MYH10: variants seen among roughly 807,000 people sequenced by gnomAD.
MYH10 encodes the protein myosin-10.
In MYH10, 55 loss-of-function variants were observed where a neutral mutation model predicts 257.8. That is an observed-to-expected ratio of 0.21 (90% CI 0.17 to 0.27). The LOEUF is 0.27. Ranked by LOEUF, MYH10 falls within the 10% of genes least tolerant of loss-of-function variation. MYH10 has a pLI of 1.00. For missense variants in MYH10, 1,631 were observed against 2,500.6 expected (o/e 0.65, Z 7.42); for synonymous variants, 854 against 921.7 (o/e 0.93, Z 1.33).
intron 36 of MYH10, among the ~76,000 whole-genome samples, chr17:8,486,490 TGA>T (rs1375541973): frequency 6.8e-6 from 1 of 147,058 alleles, no homozygotes; most frequent in Admixed American, 7.0e-5. Context: ...GGTAGCAGAC[TGA>T]GACTCTATCT....
At chr17:8,496,767 G>C (rs759326923) in intron 30 of MYH10, among the ~76,000 whole-genome samples, 3 of 152,224 alleles carry the variant, frequency 2.0e-5, no homozygotes, top group Non-Finnish European at 4.4e-5. Context: ...TTGCGATGTT[G>C]ACCTTTGGCT....
chr17:8,507,842 C>G (rs1183090842), intron 26 of MYH10, among the ~76,000 whole-genome samples: 1 of 152,104 alleles, frequency 6.6e-6, no homozygotes, highest in Non-Finnish European at 1.5e-5. Flanking sequence ...GTGGTTGGTG[C>G]ATGCCTGTAA....
intron 3 of MYH10, among the ~76,000 whole-genome samples, chr17:8,596,450 C>T (rs2084374757): frequency 6.6e-6 from 1 of 152,298 alleles, no homozygotes; most frequent in African/African-American, 2.4e-5. Flanking sequence ...CTGTGCCTGG[C>T]CCATTTTCTG....
chr17:8,626,550 G>A (rs2152113906), intron 1 of MYH10, among the ~76,000 whole-genome samples: 1 of 148,800 alleles, frequency 6.7e-6, no homozygotes, highest in African/African-American at 2.5e-5. Context: ...CTCGGCAACA[G>A]AATGAGACTC....
At chr17:8,604,642 T>C (rs1295488414) in intron 3 of MYH10, among the ~76,000 whole-genome samples, 184 bp downstream of exon 3, 1 of 152,202 alleles carries the variant, frequency 6.6e-6, no homozygotes, top group Non-Finnish European at 1.5e-5. Flanking sequence ...TTATCATACT[T>C]ACAGAAAATG....
At chr17:8,593,738 A>G (rs2084256004) in intron 3 of MYH10, among the ~76,000 whole-genome samples, 1 of 152,166 alleles carries the variant, frequency 6.6e-6, no homozygotes, top group Non-Finnish European at 1.5e-5. Context: ...AAGACTCAAT[A>G]TTGTTGTTAA....
rs1341304865 is a variant in MYH10 at position 8,576,635 on chromosome 17, G to A, written c.663+8C>T. 1.3e-6 allele frequency: 2 copies of A among 1,550,152 alleles called. No homozygotes were observed. Among genetic ancestry groups the A allele is most frequent in the African/African-American group, 2.7e-5 (2 of 72,992 alleles). ...TCAAGACTAAGAAGCATAAAGAAGAGCACTTGCCTGGTGTTTCACTGGTTT... is the reference window on the plus strand; with the variant it reads ...TCAAGACTAAGAAGCATAAAGAAGAACACTTGCCTGGTGTTTCACTGGTTT... On this transcript the variant is annotated splice_region_variant and intron_variant, in intron 6 of 42. Coordinates refer to ENST00000360416, the MANE Select transcript of MYH10 (RefSeq NM_001256012.3).
At chr17:8,481,290 G>C in intron 38 of MYH10, 32 bp downstream of exon 38, 1 of 1,608,142 alleles carries the variant, frequency 6.2e-7, no homozygotes. Flanking sequence ...GCCTGAGGGC[G>C]AAGAACCCAC....
At chr17:8,542,410 T>C in intron 13 of MYH10, 130 bp from the exon 14 acceptor site, 1 of 763,788 alleles carries the variant, frequency 1.3e-6, no homozygotes, top group Non-Finnish European at 2.1e-6. Flanking sequence ...TGATTGCTTC[T>C]ATCTAATGAC....
intron 14 of MYH10, among the ~76,000 whole-genome samples, chr17:8,537,651 A>G (rs545240433): frequency 1.3e-5 from 2 of 152,360 alleles, no homozygotes; most frequent in African/African-American, 4.8e-5. Flanking sequence ...TTAATATAAC[A>G]AAAACATCCT....
chr17:8,562,956 G>A (rs1299394504), intron 7 of MYH10, among the ~76,000 whole-genome samples: 1 of 152,180 alleles, frequency 6.6e-6, no homozygotes, highest in African/African-American at 2.4e-5. Context: ...TGATTATAAT[G>A]TATCTATAGT....
chr17:8,491,576 G>A (rs1915783882), intron 34 of MYH10, among the ~76,000 whole-genome samples: 1 of 152,194 alleles, frequency 6.6e-6, no homozygotes, highest in Admixed American at 6.5e-5. Context: ...GTAACTTCAT[G>A]AAATTGGGCA....
rs1292342142 is a variant in MYH10, at chr17:8,493,745, G to T, written c.4197C>A (p.Ala1399=). The T allele has an allele frequency of 1.9e-6, 3 of 1,613,550 alleles. No homozygotes were observed. The highest frequency in any genetic ancestry group is 1.7e-6 in the Non-Finnish European group (2 of 1,179,866). ...AGAGGACGCACACCTGGGACTGCAGGGCCAGCACTTGCTTCTCCAGGTTCT... is the reference window on the plus strand; with the variant it reads ...AGAGGACGCACACCTGGGACTGCAGTGCCAGCACTTGCTTCTCCAGGTTCT... ...ARKNLEKQVL[A]LQSQLADTKK... Residue 1399 remains alanine (A), a synonymous_variant, in exon 32 of 43, where the codon GCC becomes GCA. Coordinates refer to ENST00000360416, the MANE Select transcript of MYH10 (RefSeq NM_001256012.3).
At chr17:8,605,376 T>C (rs2084757787) in intron 2 of MYH10, among the ~76,000 whole-genome samples, 1 of 152,200 alleles carries the variant, frequency 6.6e-6, no homozygotes, top group African/African-American at 2.4e-5. Flanking sequence ...CAATTAATCT[T>C]TAAGAAAATA....
At chr17:8,511,015 C>CATATATATATATATATAA (rs2081250951) in intron 24 of MYH10, 9 of 120,542 alleles carry the variant, frequency 7.5e-5, no homozygotes, top group African/African-American at 3.5e-4. Context: ...TCATGTACCC[C>CATATATATATATATATAA]ATATATATAT....
chr17:8,620,390 T>C (rs760410798), intron 2 of MYH10, among the ~76,000 whole-genome samples: 1 of 152,182 alleles, frequency 6.6e-6, no homozygotes, highest in Non-Finnish European at 1.5e-5. Flanking sequence ...AAACTTGTGA[T>C]GTGAGCTAAA....
rs118093325 is a variant in MYH10 at position 8,577,613 on chromosome 17, C to T, written c.531-275G>A. ...GTGGCGCGATCTTGGCTCACTGCAA[C>T]GTCTGTCTCCCGGCTTCAAGGAATT... is the stretch of plus-strand genomic sequence containing the variant. On this transcript the variant is annotated intron_variant, in intron 4 of 42. Transcript: ENST00000360416. Among the ~76,000 whole-genome samples the T allele has an allele frequency of 4.7e-3, 716 of 152,272 alleles. 2 individuals are homozygous for T. The highest frequency in any genetic ancestry group is 7.6e-3 in the Non-Finnish European group (520 of 68,020).
intron 7 of MYH10, among the ~76,000 whole-genome samples, chr17:8,565,273 A>T (rs2083128663): frequency 6.6e-6 from 1 of 152,244 alleles, no homozygotes. Context: ...CAAATCAAAC[A>T]TCAAAATTAC....
At chr17:8,581,468 C>T (rs1006200209) in intron 4 of MYH10, among the ~76,000 whole-genome samples, 1 of 152,110 alleles carries the variant, frequency 6.6e-6, no homozygotes, top group African/African-American at 2.4e-5. Context: ...CATGCTTCAA[C>T]GTGTCCTTAA....
Sources: gnomAD v4.1 joint callset for allele counts (sites outside exome capture counted in the v4.1 genomes callset) on GRCh38, gnomAD v4.1.1 for gene constraint, MANE v1.5 for transcripts, NCBI Gene and HGNC (gene_info 2026-07-23, HGNC 2026-07-21) for gene names.